STON1: variants seen among roughly 807,000 people sequenced by gnomAD.
STON1 encodes stonin-1.
Under a neutral mutation model 60.9 loss-of-function variants are expected in STON1, and 79 were observed. The ratio of observed to expected loss-of-function variants is 1.30; its 90% CI spans 1.08 to 1.56. The LOEUF is 1.56. STON1 is among the 40% of genes most tolerant of loss of function. STON1 has a pLI of 0.00. For synonymous variants in STON1, 363 were observed against 306.9 expected (o/e 1.18, Z -1.91); for missense variants, 1,166 against 858.9 (o/e 1.36, Z -4.47).
rs746203027 is a variant in STON1 at position 48,582,357 on chromosome 2, C to T, written c.1724C>T (p.Pro575Leu). Reference sequence around the variant, plus strand: ...AATATAAGGATACACTTTCCTGTCCCATCGCAGTGGATCAAGGCCCTTTGG... The same window carrying T: ...AATATAAGGATACACTTTCCTGTCCTATCGCAGTGGATCAAGGCCCTTTGG... The part of the protein sequence containing the change: ...CDNIRIHFPV[P>L]SQWIKALWTM... The change falls in exon 2 of 4, where the codon CCA becomes CTA. Residue 575 changes from proline (P) to leucine (L), a missense_variant. Transcript: ENST00000404752. The T allele has an allele frequency of 2.5e-6, 4 of 1,614,176 alleles. No individual in the cohort carries two copies. Among genetic ancestry groups the T allele is most frequent in the Non-Finnish European group, 8.5e-7 (1 of 1,180,050 alleles).
intron 1 of STON1, among the ~76,000 whole-genome samples, chr2:48,571,313 G>A (rs764325888): frequency 6.6e-6 from 1 of 152,202 alleles, no homozygotes; most frequent in Non-Finnish European, 1.5e-5. Flanking sequence ...TTGCTTCAGA[G>A]GAAGGCAGCT....
intron 1 of STON1, among the ~76,000 whole-genome samples, chr2:48,570,749 A>T (rs945326181): frequency 1.4e-4 from 21 of 151,668 alleles, no homozygotes; most frequent in African/African-American, 4.9e-4. Flanking sequence ...AACCTTCGAA[A>T]CTCAGAAATG....
intron 1 of STON1, among the ~76,000 whole-genome samples, chr2:48,542,535 T>G (rs1671695534): frequency 2.6e-5 from 4 of 152,270 alleles, no homozygotes; most frequent in Admixed American, 2.6e-4. Context: ...ATTATGTTAA[T>G]GCTCACAAAT....
At chr2:48,585,280 C>T (rs376422669) in intron 2 of STON1, among the ~76,000 whole-genome samples, 28 of 151,836 alleles carry the variant, frequency 1.8e-4, no homozygotes, top group African/African-American at 6.1e-4. Context: ...TGGAGTGTTG[C>T]TCTGTCACCC....
In STON1 at chr2:48,566,844, G is replaced by A. The variant is rs530417805; in HGVS notation, c.-47-13743G>A. 3.9e-5 allele frequency among the ~76,000 whole-genome samples: 6 copies of A among 152,278 alleles called. No homozygotes were observed. The South Asian group carries it at 1.2e-3, about 32-fold the overall frequency. On this transcript the variant is annotated intron_variant, in intron 1 of 3. Transcript: ENST00000404752. ...TAAGAGGGGCTGGTGTTGTGGTGGT[G>A]TGGCCTCGAGCCATTGGAAGCAATA...
chr2:48,565,732 A>G (rs1438243210), intron 1 of STON1, among the ~76,000 whole-genome samples: 1 of 152,216 alleles, frequency 6.6e-6, no homozygotes, highest in Non-Finnish European at 1.5e-5. Context: ...AGGCTAGAGT[A>G]GGGACAGAGG....
intron 1 of STON1, among the ~76,000 whole-genome samples, chr2:48,571,494 T>A (rs1375523239): frequency 6.6e-6 from 1 of 152,186 alleles, no homozygotes; most frequent in Non-Finnish European, 1.5e-5. Flanking sequence ...AGACCAACCC[T>A]ACTTGTAATG....
intron 2 of STON1, among the ~76,000 whole-genome samples, chr2:48,586,490 T>TAATAAACTGCCTGGGGACTAG (rs1238719972): frequency 1.3e-5 from 2 of 151,992 alleles, no homozygotes; most frequent in Non-Finnish European, 2.9e-5. Context: ...GAGGAAAGGG[T>TAATAAACTGCCTGGGGACTAG]AATAAACTGC....
At chr2:48,568,858 G>A (rs1009144209) in intron 1 of STON1, among the ~76,000 whole-genome samples, 4 of 152,184 alleles carry the variant, frequency 2.6e-5, no homozygotes, top group Admixed American at 6.5e-5. Flanking sequence ...CTTCTCACGT[G>A]AGAACAGCAT....
chr2:48,548,549 A>C lies in STON1; in HGVS notation c.-48+18333A>C, dbSNP rs911700616. The stretch of plus-strand genomic sequence containing the variant: ...GGTCTCCCTCTGTTGCCCAGGCTGG[A>C]GTGCAGTGGCGTGATCTCGGCTCAC... On this transcript the variant is annotated intron_variant, in intron 1 of 3. Coordinates refer to ENST00000404752, the MANE Select transcript of STON1 (RefSeq NM_006873.4). 4.9e-5 allele frequency among the ~76,000 whole-genome samples: 7 copies of C among 143,998 alleles called. No homozygotes were observed. The Admixed American group carries it at 5.0e-4, about 10-fold the overall frequency. The allele number at this position is 143,998 out of a possible 152,430, so 94.5% of individuals were successfully genotyped here.
chr2:48,578,521 G>A (rs905679061), intron 1 of STON1, among the ~76,000 whole-genome samples: 5 of 130,478 alleles, frequency 3.8e-5, no homozygotes, highest in East Asian at 2.2e-4. Flanking sequence ...CTCCTTCTCC[G>A]CTTCCTCTTT....
chr2:48,588,421 G>T (rs1572645398), intron 2 of STON1, among the ~76,000 whole-genome samples: 1 of 152,178 alleles, frequency 6.6e-6, no homozygotes, highest in Non-Finnish European at 1.5e-5. Flanking sequence ...CGAGGTCTCA[G>T]CTCACTGCAA....
At chr2:48,536,312 C>A (rs1307989755) in intron 1 of STON1, among the ~76,000 whole-genome samples, 4 of 152,130 alleles carry the variant, frequency 2.6e-5, no homozygotes, top group African/African-American at 7.2e-5. Flanking sequence ...CTTTGGGAGG[C>A]CAAGGTGGGC....
chr2:48,564,602 C>T (rs867920152), intron 1 of STON1, among the ~76,000 whole-genome samples: 4 of 57,296 alleles, frequency 7.0e-5, no homozygotes, highest in African/African-American at 1.2e-4. Flanking sequence ...TCCTCCTCCT[C>T]CTTCTCCTTC....
chr2:48,595,106 G>T, intron 3 of STON1, 122 bp from the exon 4 acceptor site: 1 of 760,828 alleles, frequency 1.3e-6, no homozygotes, highest in Admixed American at 2.1e-5. Flanking sequence ...GTAGAGGGCT[G>T]TGTCTGTGTC....
intron 1 of STON1, among the ~76,000 whole-genome samples, chr2:48,540,564 C>T (rs1161274976): frequency 6.6e-6 from 1 of 152,082 alleles, no homozygotes; most frequent in African/African-American, 2.4e-5. Context: ...TGCCCCTTTC[C>T]TCATACTGCC....
intron 1 of STON1, among the ~76,000 whole-genome samples, chr2:48,561,576 C>G (rs1672615094): frequency 6.6e-6 from 1 of 152,186 alleles, no homozygotes; most frequent in Non-Finnish European, 1.5e-5. Context: ...ACATTTTGGA[C>G]TGGAAAATTC....
In STON1 at chr2:48,580,896, T is replaced by A. The variant is rs1279827026; in HGVS notation, c.263T>A (p.Phe88Tyr). ...CCTCTTTCTACACCTACCAAAGACTTCCCAGGTTTTCCTGGCATCCCCAAA... is the reference window on the plus strand; with the variant it reads ...CCTCTTTCTACACCTACCAAAGACTACCCAGGTTTTCCTGGCATCCCCAAA... ...NSPLSTPTKD[F>Y]PGFPGIPKAG... The change falls in exon 2 of 4, where the codon TTC (phenylalanine) becomes TAC (tyrosine). Residue 88 changes from phenylalanine to tyrosine, a missense_variant. Phe to Tyr is a conservative substitution (Grantham distance 22). Transcript: ENST00000404752. 1 of 1,593,792 alleles carries A rather than the reference T, an allele frequency of 6.3e-7. No homozygotes were observed. The highest frequency in any genetic ancestry group is 1.2e-5 in the South Asian group (1 of 86,504).
chr2:48,568,462 C>T lies in STON1; in HGVS notation c.-47-12125C>T, dbSNP rs527719021. On this transcript the variant is annotated intron_variant, in intron 1 of 3. Coordinates refer to ENST00000404752, the MANE Select transcript of STON1 (RefSeq NM_006873.4). ...AAAAGTAGAGGAAAACTGCAAAGAA[C>T]GGCAGAAGTAGACTCTTGAGGTTGG... 3.9e-5 allele frequency among the ~76,000 whole-genome samples: 6 copies of T among 152,136 alleles called. No individual in the cohort carries two copies. In the South Asian group the frequency reaches 1.0e-3, roughly 26 times the overall value.
Sources: gnomAD v4.1 joint callset for allele counts (sites outside exome capture counted in the v4.1 genomes callset) on GRCh38, gnomAD v4.1.1 for gene constraint, MANE v1.5 for transcripts, NCBI Gene and HGNC (gene_info 2026-07-23, HGNC 2026-07-21) for gene names.